Variants in MAP4K4 observed in about 807,000 individuals in gnomAD.
The protein encoded by MAP4K4 is HPK/GCK-like kinase HGK.
A neutral mutation model predicts 189.6 loss-of-function variants in MAP4K4; 38 were observed. The ratio of observed to expected loss-of-function variants is 0.20; its 90% confidence interval spans 0.15 to 0.26. The LOEUF (loss-of-function observed/expected upper bound fraction) is 0.26, where lower values mean the gene tolerates loss of function less well. MAP4K4 is among the 10% of genes least tolerant of loss of function. The pLI, the probability that MAP4K4 is intolerant of heterozygous loss-of-function variation, is 1.00. For missense variants in MAP4K4, 1,054 were observed against 1,726.9 expected (o/e 0.61, Z 6.91); for synonymous variants, 610 against 624.3 (o/e 0.98, Z 0.34).
chr2:101,894,614 C>T (rs900243133), exon 33 of MAP4K4: 8 of 152,610 alleles, frequency 5.2e-5, no homozygotes, highest in Non-Finnish European at 1.2e-4. Flanking sequence ...GCAGTGCTAA[C>T]TTGTCTACTG....
intron 3 of MAP4K4, among the ~76,000 whole-genome samples, chr2:101,823,682 C>T (rs756367198): frequency 3.9e-5 from 6 of 152,198 alleles, no homozygotes; most frequent in African/African-American, 1.2e-4. Context: ...GCAGTCCCCT[C>T]GCACTATCCC....
chr2:101,775,194 G>A (rs1241592101), intron 2 of MAP4K4, among the ~76,000 whole-genome samples: 1 of 151,842 alleles, frequency 6.6e-6, no homozygotes, highest in Non-Finnish European at 1.5e-5. Context: ...TACAGTTTAG[G>A]AGGATGAGTT....
chr2:101,830,168 T>A (rs555577337), intron 6 of MAP4K4, among the ~76,000 whole-genome samples: 2 of 152,270 alleles, frequency 1.3e-5, no homozygotes, highest in African/African-American at 4.8e-5. Flanking sequence ...GTTTCTTTCA[T>A]AGTATTGTTC....
chr2:101,734,613 A>G (rs181809591), intron 2 of MAP4K4, among the ~76,000 whole-genome samples: 1 of 152,228 alleles, frequency 6.6e-6, no homozygotes, highest in East Asian at 1.9e-4. Flanking sequence ...ATTCCTGCAT[A>G]TTGCTCTGTG....
At chr2:101,870,491 A>G in intron 23 of MAP4K4, 76 bp downstream of exon 23, 2 of 1,567,764 alleles carry the variant, frequency 1.3e-6, no homozygotes, top group Non-Finnish European at 8.7e-7. Context: ...TCACTCACTC[A>G]TGCTGTTTCT....
intron 2 of MAP4K4, among the ~76,000 whole-genome samples, chr2:101,704,539 GTGTATATA>G (rs1344506824): frequency 4.1e-5 from 3 of 72,810 alleles, no homozygotes; most frequent in African/African-American, 1.7e-4. Flanking sequence ...GTGTGTGTGT[GTGTATATA>G]TATATATATA....
At chr2:101,801,002 C>T (rs535499290) in intron 3 of MAP4K4, among the ~76,000 whole-genome samples, 11 of 148,000 alleles carry the variant, frequency 7.4e-5, no homozygotes, top group Non-Finnish European at 1.6e-4. Flanking sequence ...AAAAATCGCC[C>T]AACAAATTTT....
chr2:101,761,412 A>G (rs140182717), intron 2 of MAP4K4, among the ~76,000 whole-genome samples: 14 of 152,222 alleles, frequency 9.2e-5, no homozygotes, highest in African/African-American at 3.1e-4. Context: ...CCAGTCATCT[A>G]GCATACATCA....
intron 12 of MAP4K4, among the ~76,000 whole-genome samples, chr2:101,853,105 A>G (rs2097338647): frequency 6.6e-6 from 1 of 152,212 alleles, no homozygotes; most frequent in South Asian, 2.1e-4. Flanking sequence ...CCCAAGTGAA[A>G]TGATCAGGGT....
intron 2 of MAP4K4, among the ~76,000 whole-genome samples, chr2:101,731,179 C>T (rs1365281824): frequency 6.6e-5 from 10 of 151,850 alleles, no homozygotes; most frequent in African/African-American, 9.6e-5. Flanking sequence ...TGCAGTGGCG[C>T]GATCTCGGCT....
intron 3 of MAP4K4, chr2:101,797,231 G>A (rs1189271185): frequency 1.6e-6 from 2 of 1,290,258 alleles, no homozygotes; most frequent in Admixed American, 2.3e-5. Context: ...GGGACCTATT[G>A]TTCTATTCTG....
chr2:101,888,692 A>T, intron 31 of MAP4K4, 104 bp from the exon 32 acceptor site: 1 of 858,476 alleles, frequency 1.2e-6, no homozygotes, highest in Non-Finnish European at 1.6e-6. Context: ...TTTAAATTTT[A>T]AAAAGATTTA....
At chr2:101,798,154 C>A (rs1446782942) in intron 3 of MAP4K4, among the ~76,000 whole-genome samples, 1 of 151,558 alleles carries the variant, frequency 6.6e-6, no homozygotes, top group Non-Finnish European at 1.5e-5. Flanking sequence ...CCCAAGCAAT[C>A]CTCATGTCTC....
chr2:101,850,492 T>A (rs1224797708), intron 12 of MAP4K4, among the ~76,000 whole-genome samples: 2 of 152,218 alleles, frequency 1.3e-5, no homozygotes, highest in South Asian at 2.1e-4. Context: ...TTTAAAGAAA[T>A]AACAACCATT....
chr2:101,704,445 T>G (rs2040803379), intron 2 of MAP4K4, among the ~76,000 whole-genome samples: 1 of 151,318 alleles, frequency 6.6e-6, no homozygotes, highest in African/African-American at 2.4e-5. Context: ...TGCTTGAAAC[T>G]TTGTGATAAA....
At chr2:101,786,038 C>G (rs1453739221) in intron 2 of MAP4K4, among the ~76,000 whole-genome samples, 1 of 152,096 alleles carries the variant, frequency 6.6e-6, no homozygotes, top group East Asian at 1.9e-4. Context: ...GTTGGCCAGG[C>G]TGGTTTCGAA....
intron 5 of MAP4K4, among the ~76,000 whole-genome samples, chr2:101,827,032 C>T (rs1337063179): frequency 1.3e-5 from 2 of 152,078 alleles, no homozygotes; most frequent in Admixed American, 6.5e-5. Flanking sequence ...GTATTTCAGC[C>T]TTCAAAGACA....
chr2:101,868,713 G>A (rs1392039309), intron 21 of MAP4K4, among the ~76,000 whole-genome samples: 1 of 152,236 alleles, frequency 6.6e-6, no homozygotes, highest in Non-Finnish European at 1.5e-5. Flanking sequence ...AGCACTCAGG[G>A]TCGCAGTGTC....
chr2:101,890,596 C>T (rs912428846), intron 32 of MAP4K4, among the ~76,000 whole-genome samples: 3 of 151,986 alleles, frequency 2.0e-5, no homozygotes, highest in Non-Finnish European at 2.9e-5. Flanking sequence ...GCTGGGATTA[C>T]AGGAGCCCAC....
Sources: gnomAD v4.1 joint callset for allele counts (sites outside exome capture counted in the v4.1 genomes callset) on GRCh38, gnomAD v4.1.1 for gene constraint, MANE v1.5 for transcripts, NCBI Gene and HGNC (gene_info 2026-07-23, HGNC 2026-07-21) for gene names.